Variants in CSMD1 observed in about 807,000 individuals in gnomAD.
The protein encoded by CSMD1 is CUB and sushi domain-containing protein 1.
In CSMD1, 213 loss-of-function variants were observed where a neutral mutation model predicts 417.5. The ratio of observed to expected loss-of-function variants is 0.51; its 90% confidence interval spans 0.46 to 0.57. The LOEUF is 0.57. Ranked by LOEUF, CSMD1 falls within the 20% of genes least tolerant of loss-of-function variation. The pLI is 0.00. For missense variants in CSMD1, 6,923 were observed against 4,529.7 expected, an observed-to-expected ratio of 1.53 and a Z score of -15.17; for synonymous variants, 2,862 against 1,736.8, an observed-to-expected ratio of 1.65 and a Z score of -16.11.
At chr8:4,740,176 G>C (rs1236294189) in intron 1 of CSMD1, among the ~76,000 whole-genome samples, 2 of 152,066 alleles carry the variant, frequency 1.3e-5, no homozygotes, top group East Asian at 1.9e-4. Flanking sequence ...TGAGCACCCT[G>C]AGACGAACAC....
At chr8:4,133,069 G>A (rs1427272722) in intron 3 of CSMD1, among the ~76,000 whole-genome samples, 1 of 152,008 alleles carries the variant, frequency 6.6e-6, no homozygotes. Flanking sequence ...TTGAGTAGTT[G>A]GGACTACAGG....
chr8:4,303,804 C>G (rs986075957), intron 3 of CSMD1, among the ~76,000 whole-genome samples: 1 of 151,960 alleles, frequency 6.6e-6, no homozygotes, highest in Non-Finnish European at 1.5e-5. Context: ...TACAGGCACA[C>G]TCCACTCTCC....
rs369836540 is a variant in CSMD1, at chr8:3,369,265, G to A, written c.2888C>T (p.Ser963Phe). The change falls in exon 19 of 70, where the codon TCT becomes TTT. Residue 963 changes from serine (S) to phenylalanine (F), a missense_variant. Coordinates refer to ENST00000635120, the MANE Select transcript of CSMD1 (RefSeq NM_033225.6). ...SLNCTWTIEV[S>F]HGKGVQMIFH... The stretch of plus-strand genomic sequence containing the variant: ...TGATAGATTCTTACCTTTCCCATGA[G>A]ACACTTCAATGGTCCACGTGCAGTT... The A allele has an allele frequency of 2.6e-6, 4 of 1,537,156 alleles. No homozygotes were observed. Among genetic ancestry groups the A allele is most frequent in the African/African-American group, 2.7e-5 (2 of 73,398 alleles).
chr8:3,620,512 G>C (rs932961851), intron 7 of CSMD1, among the ~76,000 whole-genome samples: 1 of 152,086 alleles, frequency 6.6e-6, no homozygotes, highest in Non-Finnish European at 1.5e-5. Flanking sequence ...ATTTACAACA[G>C]CAATAGCATA....
intron 5 of CSMD1, among the ~76,000 whole-genome samples, chr8:3,779,784 A>G (rs1799080064): frequency 6.6e-6 from 1 of 152,230 alleles, no homozygotes; most frequent in African/African-American, 2.4e-5. Context: ...CTCCTTCCAG[A>G]AGATTAACAT....
intron 10 of CSMD1, among the ~76,000 whole-genome samples, chr8:3,498,423 A>T (rs1430764786): frequency 6.6e-6 from 1 of 152,142 alleles, no homozygotes; most frequent in African/African-American, 2.4e-5. Context: ...AATCACCAGG[A>T]GAGAAGGAAG....
At chr8:4,298,120 C>T (rs1021780673) in intron 3 of CSMD1, among the ~76,000 whole-genome samples, 9 of 152,190 alleles carry the variant, frequency 5.9e-5, no homozygotes, top group African/African-American at 1.9e-4. Context: ...CATCCCAGGG[C>T]ACTGGGGACA....
chr8:4,044,426 A>G (rs1262341210), intron 3 of CSMD1, among the ~76,000 whole-genome samples: 1 of 152,222 alleles, frequency 6.6e-6, no homozygotes, highest in African/African-American at 2.4e-5. Context: ...CCAAGCTCTA[A>G]AATTCTTTAC....
At chr8:3,416,616 G>A (rs1813167815) in intron 12 of CSMD1, among the ~76,000 whole-genome samples, 1 of 152,184 alleles carries the variant, frequency 6.6e-6, no homozygotes, top group African/African-American at 2.4e-5. Flanking sequence ...GGTGTCCCAG[G>A]AGCTACATGG....
chr8:4,102,976 G>C, intron 3 of CSMD1, among the ~76,000 whole-genome samples: 1 of 152,104 alleles, frequency 6.6e-6, no homozygotes, highest in East Asian at 1.9e-4. Context: ...CACGTGCAGA[G>C]CCAGCAAATA....
chr8:4,336,543 G>A (rs951374698), intron 3 of CSMD1, among the ~76,000 whole-genome samples: 4 of 152,156 alleles, frequency 2.6e-5, no homozygotes, highest in Admixed American at 2.0e-4. Context: ...ATGTCATGCT[G>A]CTTGTTTTCT....
At chr8:4,844,383 G>C (rs925922799) in intron 1 of CSMD1, among the ~76,000 whole-genome samples, 3 of 152,010 alleles carry the variant, frequency 2.0e-5, no homozygotes, top group African/African-American at 7.3e-5. Context: ...CTTCCCATAG[G>C]AAATTAACAG....
At chr8:4,209,621 C>T (rs1353751651) in intron 3 of CSMD1, among the ~76,000 whole-genome samples, 2 of 152,138 alleles carry the variant, frequency 1.3e-5, no homozygotes, top group East Asian at 1.9e-4. Context: ...GAAAGACAAG[C>T]CCCCGAATTG....
intron 5 of CSMD1, among the ~76,000 whole-genome samples, chr8:3,839,434 A>AATATTATATAATATAAT (rs1802955207): frequency 9.7e-6 from 1 of 102,908 alleles, no homozygotes; most frequent in Non-Finnish European, 1.8e-5. Context: ...ATAATAAATT[A>AATATTATATAATATAAT]ATATTATATA....
intron 2 of CSMD1, among the ~76,000 whole-genome samples, chr8:4,566,588 G>C (rs1157961774): frequency 6.9e-6 from 1 of 144,506 alleles, no homozygotes; most frequent in Non-Finnish European, 1.5e-5. Context: ...AGGAGGTGGA[G>C]CTTGCAGTGA....
chr8:3,977,076 G>A (rs952194242), intron 5 of CSMD1, among the ~76,000 whole-genome samples: 1 of 152,004 alleles, frequency 6.6e-6, no homozygotes, highest in African/African-American at 2.4e-5. Context: ...TTTCCATTTA[G>A]ATTTTTGCTT....
At chr8:4,968,711 C>T (rs188975274) in intron 1 of CSMD1, among the ~76,000 whole-genome samples, 1 of 152,218 alleles carries the variant, frequency 6.6e-6, no homozygotes, top group African/African-American at 2.4e-5. Context: ...CTACCAGTGG[C>T]AGCAGATAAA....
chr8:4,833,717 C>A (rs184933921), intron 1 of CSMD1, among the ~76,000 whole-genome samples: 597 of 152,272 alleles, frequency 3.9e-3, no homozygotes, highest in Non-Finnish European at 6.3e-3. Flanking sequence ...GAGGGTGACT[C>A]TTCAAACCTA....
rs144748592 is a variant in CSMD1, at chr8:4,389,964, A to G, written c.415+29989T>C. 3.9e-3 allele frequency among the ~76,000 whole-genome samples: 592 copies of G among 152,278 alleles called. 2 individuals carry two copies. Among genetic ancestry groups the G allele is most frequent in the African/African-American group, 0.013 (559 of 41,572 alleles). ...GTATGTCCTATGATATGCATGCATG[A>G]TGTACTTGCTCATCATTTAGGAATA... On this transcript the variant is annotated intron_variant, in intron 3 of 69. Transcript: ENST00000635120.
Sources: allele counts gnomAD v4.1 joint callset (sites outside exome capture counted in the v4.1 genomes callset), GRCh38; gene constraint gnomAD v4.1.1; transcripts MANE v1.5; gene names NCBI Gene and HGNC (gene_info 2026-07-23, HGNC 2026-07-21).